BBS9: variants seen among roughly 807,000 people sequenced by gnomAD.
BBS9 encodes the protein protein PTHB1.
BBS9 carries 89 observed loss-of-function variants against 117.7 expected under a neutral mutation model. The ratio of observed to expected loss-of-function variants is 0.76; its 90% CI spans 0.64 to 0.90. BBS9 has a LOEUF of 0.90. Among genes scored for constraint, BBS9 ranks in the 40% least tolerant of loss-of-function variants. The pLI is 0.00. For synonymous variants in BBS9, 379 were observed against 370.9 expected, an observed-to-expected ratio of 1.02 and a Z score of -0.25; for missense variants, 982 against 1,042.2, an observed-to-expected ratio of 0.94 and a Z score of 0.80.
At chr7:33,168,035 A>G (rs1037434670) in intron 4 of BBS9, among the ~76,000 whole-genome samples, 4 of 152,196 alleles carry the variant, frequency 2.6e-5, no homozygotes, top group African/African-American at 7.2e-5. Context: ...TTTGGTACAT[A>G]TATTAATAAC....
intron 1 of BBS9, among the ~76,000 whole-genome samples, chr7:33,144,857 T>C (rs4723254): frequency 0.16 from 24,015 of 152,170 alleles, 2,072 homozygotes; most frequent in South Asian, 0.21. Flanking sequence ...ATATTAAATG[T>C]GTTTTTGACT....
At chr7:33,600,400 T>C (rs1335864262) in intron 21 of BBS9, among the ~76,000 whole-genome samples, 2 of 51,174 alleles carry the variant, frequency 3.9e-5, no homozygotes, top group Non-Finnish European at 5.5e-5. Flanking sequence ...GAAAAGCAAG[T>C]TTTTTTTTTT....
intron 19 of BBS9, among the ~76,000 whole-genome samples, chr7:33,424,278 G>A (rs1778426485): frequency 6.6e-6 from 1 of 152,192 alleles, no homozygotes; most frequent in South Asian, 2.1e-4. Context: ...TATAAAAGGA[G>A]AGAACTCTTC....
intron 5 of BBS9, among the ~76,000 whole-genome samples, chr7:33,225,236 T>C (rs1481284620): frequency 6.6e-6 from 1 of 152,196 alleles, no homozygotes. Flanking sequence ...CACACTCTTT[T>C]GCGCAGGCTT....
At chr7:33,440,672 C>T (rs902994976) in intron 19 of BBS9, among the ~76,000 whole-genome samples, 4 of 152,140 alleles carry the variant, frequency 2.6e-5, no homozygotes, top group East Asian at 1.9e-4. Flanking sequence ...AACCTAAAAA[C>T]GTACTGAATC....
chr7:33,170,329 T>G (rs2128143871), intron 4 of BBS9, among the ~76,000 whole-genome samples: 2 of 146,862 alleles, frequency 1.4e-5, no homozygotes, highest in East Asian at 4.0e-4. Context: ...ATCCAGCATA[T>G]AAACAGAGCC....
At chr7:33,480,013 G>A (rs1246479350) in intron 19 of BBS9, among the ~76,000 whole-genome samples, 3 of 152,076 alleles carry the variant, frequency 2.0e-5, no homozygotes, top group African/African-American at 7.2e-5. Context: ...CTTTTTCAAA[G>A]GATTTCAGAA....
chr7:33,522,438 T>A (rs1263958686), intron 20 of BBS9, among the ~76,000 whole-genome samples: 1 of 151,396 alleles, frequency 6.6e-6, no homozygotes, highest in Non-Finnish European at 1.5e-5. Context: ...TGATTGCCAT[T>A]CTAACTGGTG....
At chr7:33,582,942 T>C (rs1410471771) in intron 21 of BBS9, among the ~76,000 whole-genome samples, 3 of 152,174 alleles carry the variant, frequency 2.0e-5, no homozygotes, top group Non-Finnish European at 2.9e-5. Context: ...GGAACAAGAC[T>C]GCTGGTCCAG....
At chr7:33,484,258 A>G (rs921157842) in intron 19 of BBS9, among the ~76,000 whole-genome samples, 6 of 152,254 alleles carry the variant, frequency 3.9e-5, no homozygotes, top group Admixed American at 2.0e-4. Flanking sequence ...ACATCAAAGT[A>G]GATTTCTCAA....
chr7:33,359,250 T>C (rs1041490295), intron 16 of BBS9, among the ~76,000 whole-genome samples: 1 of 152,028 alleles, frequency 6.6e-6, no homozygotes, highest in African/African-American at 2.4e-5. Context: ...ACCAAATTTA[T>C]TGGTGGCTTT....
chr7:33,357,127 ACT>A (rs1175194187), intron 15 of BBS9, among the ~76,000 whole-genome samples: 2 of 151,734 alleles, frequency 1.3e-5, no homozygotes, highest in African/African-American at 4.8e-5. Context: ...CTAATATGAA[ACT>A]CTTCATTGTC....
intron 17 of BBS9, among the ~76,000 whole-genome samples, chr7:33,381,630 A>G (rs12668181): frequency 0.059 from 8,955 of 152,260 alleles, 283 homozygotes; most frequent in East Asian, 0.14. Flanking sequence ...ATTTATTTAC[A>G]AAAGTAAATA....
chr7:33,254,536 C>G (rs560070003), intron 5 of BBS9, among the ~76,000 whole-genome samples: 1 of 152,234 alleles, frequency 6.6e-6, no homozygotes, highest in East Asian at 1.9e-4. Flanking sequence ...GAACAAAGAT[C>G]TATTCTCTTA....
intron 10 of BBS9, among the ~76,000 whole-genome samples, chr7:33,340,327 T>A (rs991454609): frequency 2.0e-5 from 3 of 152,178 alleles, no homozygotes; most frequent in African/African-American, 7.2e-5. Context: ...TTGGAGTTTT[T>A]AAAATATCAG....
At chr7:33,466,997 C>A (rs1284986710) in intron 19 of BBS9, among the ~76,000 whole-genome samples, 1 of 130,934 alleles carries the variant, frequency 7.6e-6, no homozygotes, top group African/African-American at 3.0e-5. Context: ...CATATTCATT[C>A]ATTCATTCAT....
chr7:33,467,596 T>G (rs1840380126), intron 19 of BBS9, among the ~76,000 whole-genome samples: 1 of 150,762 alleles, frequency 6.6e-6, no homozygotes, highest in Admixed American at 6.6e-5. Flanking sequence ...TGTAGTTGTT[T>G]TATAACTACT....
At chr7:33,492,085 C>T (rs947947767) in intron 19 of BBS9, among the ~76,000 whole-genome samples, 1 of 151,488 alleles carries the variant, frequency 6.6e-6, no homozygotes, top group East Asian at 1.9e-4. Context: ...TGCCTATAAT[C>T]CCAGCTACTC....
chr7:33,153,188 T>C (rs17473365), intron 3 of BBS9, among the ~76,000 whole-genome samples: 15,673 of 152,204 alleles, frequency 0.1, 1,125 homozygotes, highest in Non-Finnish European at 0.16. Flanking sequence ...TATAATTAGA[T>C]GAAGTAGCAG....
Sources: gnomAD v4.1 joint callset for allele counts (sites outside exome capture counted in the v4.1 genomes callset) on GRCh38, gnomAD v4.1.1 for gene constraint, MANE v1.5 for transcripts, NCBI Gene and HGNC (gene_info 2026-07-23, HGNC 2026-07-21) for gene names.